The following NFKBIZ variants were observed in gnomAD, a reference collection of about 807,000 sequenced individuals.
NFKBIZ encodes the protein NFKB inhibitor zeta.
A neutral mutation model predicts 76.8 loss-of-function variants in NFKBIZ; 19 were observed. That is an observed-to-expected ratio of 0.25 (90% CI 0.17 to 0.36). The LOEUF (loss-of-function observed/expected upper bound fraction) is 0.36, where lower values mean the gene tolerates loss of function less well. NFKBIZ is among the 10% of genes least tolerant of loss of function. NFKBIZ has a pLI of 1.00. For synonymous variants in NFKBIZ, 368 were observed against 354.8 expected, an observed-to-expected ratio of 1.04 and a Z score of -0.42; for missense variants, 829 against 910.9, an observed-to-expected ratio of 0.91 and a Z score of 1.16.
chr3:101,851,277 AGTG>A (rs2107413824), intron 1 of NFKBIZ, among the ~76,000 whole-genome samples: 1 of 152,374 alleles, frequency 6.6e-6, no homozygotes, highest in South Asian at 2.1e-4. Flanking sequence ...AGTGATCAGA[AGTG>A]GAGTACTGTA....
At chr3:101,833,920 A>G (rs528917035) in intron 2 of NFKBIZ, among the ~76,000 whole-genome samples, 9 of 152,192 alleles carry the variant, frequency 5.9e-5, no homozygotes, top group Admixed American at 3.9e-4. Flanking sequence ...TGCTTTCTCC[A>G]CCCCATACCT....
chr3:101,833,931 C>T (rs562492452), intron 2 of NFKBIZ, among the ~76,000 whole-genome samples: 1 of 152,320 alleles, frequency 6.6e-6, no homozygotes, highest in Non-Finnish European at 1.5e-5. Context: ...CCCCATACCT[C>T]ACTTAGGTTT....
upstream of NFKBIZ, among the ~76,000 whole-genome samples, chr3:101,846,146 C>T (rs1474877963): frequency 6.6e-6 from 1 of 152,168 alleles, no homozygotes; most frequent in Non-Finnish European, 1.5e-5. Flanking sequence ...TCTGAAGGCC[C>T]GATGTGCAGC....
At position 101,857,742 on chromosome 3, in the gene NFKBIZ, C is replaced by T. The variant is rs551431295; in HGVS notation, c.2103+283C>T. 3.1e-5 allele frequency: 31 copies of T among 985,336 alleles called. No homozygotes were observed. The East Asian group carries it at 3.4e-4, about 11-fold the overall frequency. 61.0% of individuals were successfully genotyped at this position (985,336 alleles called of 1,614,324 possible). A position where few individuals can be genotyped will look rare whatever the true frequency, so the allele number is the denominator to read the frequency against. ...GAGTAAGTCAGAATGGTTTAAGGTT[C>T]GGAAAGAGAAGATACCAAGGTTCCT... On this transcript the variant is annotated intron_variant, in intron 11 of 11. Coordinates refer to ENST00000326172, the MANE Select transcript of NFKBIZ (RefSeq NM_031419.4).
chr3:101,850,988 A>G (rs766033129), intron 1 of NFKBIZ, among the ~76,000 whole-genome samples: 1 of 152,192 alleles, frequency 6.6e-6, no homozygotes, highest in Non-Finnish European at 1.5e-5. Context: ...GTGACGTTGG[A>G]TTATGAACTG....
At chr3:101,842,456 A>G (rs561691414) in intron 2 of NFKBIZ, among the ~76,000 whole-genome samples, 18 of 152,214 alleles carry the variant, frequency 1.2e-4, no homozygotes, top group African/African-American at 4.3e-4. Flanking sequence ...AGCTTGTCCA[A>G]CCTGTGGCCC....
rs775094689 is a variant in NFKBIZ, at chr3:101,853,502, C to T, written c.976C>T (p.Leu326Phe). The part of the protein sequence containing the change: ...PPQSPAYEPN[L>F]FDGPESQFCP... The stretch of plus-strand genomic sequence containing the variant: ...CCAGTCCCCCGCTTATGAACCAAAC[C>T]TCTTTGATGGTCCAGAATCACAGTT... The change falls in exon 5 of 12, where the codon CTC becomes TTC. Residue 326 changes from leucine to phenylalanine, a missense_variant. This residue lies in a region of NFKBIZ where 371 missense variants were observed against 332.3 expected (regional missense o/e 1.12). Transcript: ENST00000326172. 3.1e-6 allele frequency: 5 copies of T among 1,614,250 alleles called. No individual in the cohort carries two copies. The highest frequency in any genetic ancestry group is 1.6e-4 in the Middle Eastern group (1 of 6,062).
rs779483189 is a variant in NFKBIZ at position 101,852,782 on chromosome 3, G to A, written c.460+14G>A. On this transcript the variant is annotated intron_variant, in intron 3 of 11. Coordinates refer to ENST00000326172, the MANE Select transcript of NFKBIZ (RefSeq NM_031419.4). ...AACAGTTCAGAGGTAAGAGTTACTT[G>A]TATTTGTAATTTTTTCAGGGCTTTG... 1 of 1,610,698 alleles carries A rather than the reference G, an allele frequency of 6.2e-7. No individual in the cohort carries two copies. Among genetic ancestry groups the A allele is most frequent in the Non-Finnish European group, 8.5e-7 (1 of 1,178,722 alleles).
At chr3:101,832,674 G>T (rs940257984) in intron 2 of NFKBIZ, among the ~76,000 whole-genome samples, 3 of 152,190 alleles carry the variant, frequency 2.0e-5, no homozygotes, top group African/African-American at 7.2e-5. Context: ...TAATATTCCA[G>T]CGTGTGTGTA....
chr3:101,857,952 ATTAC>A (rs1402702218), intron 11 of NFKBIZ: 1 of 845,750 alleles, frequency 1.2e-6, no homozygotes, highest in Non-Finnish European at 1.4e-6. Context: ...AAATGGAAAA[ATTAC>A]TTATGTAATT....
At chr3:101,850,047 A>G (rs1942926334) in intron 1 of NFKBIZ, 130 bp downstream of exon 1, 3 of 911,142 alleles carry the variant, frequency 3.3e-6, no homozygotes, top group South Asian at 3.4e-5. Context: ...TTAGCCATCA[A>G]TTACCACTCC....
chr3:101,838,398 A>G (rs1405697762), intron 2 of NFKBIZ, among the ~76,000 whole-genome samples: 1 of 152,226 alleles, frequency 6.6e-6, no homozygotes, highest in Non-Finnish European at 1.5e-5. Context: ...CAGGCTTCAA[A>G]GCCATGACAC....
chr3:101,835,461 A>G (rs1942707307), intron 2 of NFKBIZ, among the ~76,000 whole-genome samples: 1 of 152,198 alleles, frequency 6.6e-6, no homozygotes, highest in South Asian at 2.1e-4. Flanking sequence ...CGTGGCTTAA[A>G]CAACGGAAAT....
chr3:101,853,907 C>A (rs1560088600), intron 5 of NFKBIZ, 44 bp downstream of exon 5: 1 of 1,558,302 alleles, frequency 6.4e-7, no homozygotes, highest in Admixed American at 1.7e-5. Flanking sequence ...GTAAGCCACA[C>A]TTGTTGGACT....
At chr3:101,832,550 T>C (rs1942660915) in intron 2 of NFKBIZ, among the ~76,000 whole-genome samples, 2 of 152,224 alleles carry the variant, frequency 1.3e-5, no homozygotes, top group South Asian at 4.1e-4. Context: ...CTTATGTAAG[T>C]GGAATCATAT....
chr3:101,830,203 T>C (rs1942630062), intron 2 of NFKBIZ, among the ~76,000 whole-genome samples: 2 of 152,252 alleles, frequency 1.3e-5, no homozygotes, highest in South Asian at 4.1e-4. Flanking sequence ...CTGCCGCTGA[T>C]GGAGTTAGTG....
intron 2 of NFKBIZ, among the ~76,000 whole-genome samples, chr3:101,843,812 T>C (rs1233451014): frequency 1.3e-5 from 2 of 152,252 alleles, no homozygotes; most frequent in Non-Finnish European, 2.9e-5. Flanking sequence ...ATTTTCTAAA[T>C]GTTGCCACAT....
chr3:101,849,871 C>G lies in NFKBIZ; in HGVS notation c.243C>G (p.Ala81=). ...SSASSVSSCG[A]VESRSRGGAR... is the part of the protein sequence containing the mutation. ...CCTCGTCGGTGTCCTCCTGCGGCGC[C>G]GTGGAGTCCCGGTCGAGAGGCGGCG... The change falls in exon 1 of 12, where the codon GCC becomes GCG. Residue 81 remains alanine, a synonymous_variant. Coordinates refer to ENST00000326172, the MANE Select transcript of NFKBIZ (RefSeq NM_031419.4). 1 of 1,456,072 alleles carries G rather than the reference C, an allele frequency of 6.9e-7. No homozygotes were observed. The highest frequency in any genetic ancestry group is 1.3e-5 in the South Asian group (1 of 75,150). The allele number at this position is 1,456,072 out of a possible 1,614,324, so 90.2% of individuals were successfully genotyped here.
Position 101,849,819 on chromosome 3 carries a change from GCTCCGACTC to G in NFKBIZ, c.200_208del (p.Ser67_Asp69del), listed in dbSNP as rs1231347717. ...GGCCCCTCGGCGCCCGGCTCGCCCG[GCTCCGACTC>G]CTCCGACTTCTCCTCTGCCTCGTCG... On this transcript the variant is annotated inframe_deletion, in exon 1 of 12. Transcript: ENST00000326172. 2.7e-6 allele frequency: 4 copies of G among 1,472,766 alleles called. No individual in the cohort carries two copies. The highest frequency in any genetic ancestry group is 1.5e-5 in the African/African-American group (1 of 68,082). The allele number at this position is 1,472,766 out of a possible 1,614,324, so 91.2% of individuals were successfully genotyped here.
Sources: allele counts gnomAD v4.1 joint callset (sites outside exome capture counted in the v4.1 genomes callset), GRCh38; gene constraint gnomAD v4.1.1; regional missense constraint gnomAD v4.1.1; transcripts MANE v1.5; gene names NCBI Gene and HGNC (gene_info 2026-07-23, HGNC 2026-07-21).